The following CSMD3 variants were observed in gnomAD, a reference collection of about 807,000 sequenced individuals.
The protein encoded by CSMD3 is CUB and Sushi multiple domains 3.
A neutral mutation model predicts 435.2 loss-of-function variants in CSMD3; 177 were observed. The observed-to-expected ratio is 0.41, with a 90% CI of 0.36 to 0.46. The LOEUF (loss-of-function observed/expected upper bound fraction) is 0.46. CSMD3 is among the 20% of genes least tolerant of loss of function. The pLI is 0.34. For synonymous variants in CSMD3, 1,656 were observed against 1,520.5 expected (o/e 1.09, Z -2.07); for missense variants, 4,265 against 4,504.6 (o/e 0.95, Z 1.52).
chr8:112,900,072 T>G (rs1355151979), intron 10 of CSMD3, among the ~76,000 whole-genome samples: 1 of 151,162 alleles, frequency 6.6e-6, no homozygotes, highest in Non-Finnish European at 1.5e-5. Flanking sequence ...ATTCTATTAG[T>G]AACACTTTCT....
At chr8:112,476,798 C>T (rs895285452) in intron 31 of CSMD3, among the ~76,000 whole-genome samples, 1 of 152,142 alleles carries the variant, frequency 6.6e-6, no homozygotes, top group Non-Finnish European at 1.5e-5. Flanking sequence ...CAATTTGTTG[C>T]TCATAACCTT....
At position 113,436,906 on chromosome 8, in the gene CSMD3, T is replaced by G; in HGVS notation, c.-52A>C. The G allele has an allele frequency of 1.2e-6, 2 of 1,604,096 alleles. No individual in the cohort carries two copies. Among genetic ancestry groups the G allele is most frequent in the South Asian group, 2.2e-5 (2 of 90,834 alleles). Reference sequence around the variant, plus strand: ...TCCTCAGCCCGGCGCAGTGGAGTTGTTGCTGTTGTTGGTGCGCGGTCACAG... The same window carrying G: ...TCCTCAGCCCGGCGCAGTGGAGTTGGTGCTGTTGTTGGTGCGCGGTCACAG... On this transcript the variant is annotated 5_prime_UTR_variant, in exon 1 of 71. Transcript: ENST00000297405.
intron 5 of CSMD3, among the ~76,000 whole-genome samples, chr8:113,065,912 A>G (rs2088833501): frequency 6.6e-6 from 1 of 152,072 alleles, no homozygotes; most frequent in African/African-American, 2.4e-5. Context: ...TCTACAGTAT[A>G]CAAATACATT....
intron 32 of CSMD3, among the ~76,000 whole-genome samples, chr8:112,437,824 G>A (rs1482259991): frequency 1.3e-5 from 2 of 152,040 alleles, no homozygotes; most frequent in Admixed American, 6.6e-5. Context: ...TTTCAAGCTC[G>A]TATGGCTACA....
intron 59 of CSMD3, among the ~76,000 whole-genome samples, chr8:112,280,571 C>T (rs867552774): frequency 2.0e-5 from 3 of 151,712 alleles, no homozygotes; most frequent in Non-Finnish European, 4.4e-5. Flanking sequence ...CCATAATTTC[C>T]AATGGTTGTG....
intron 2 of CSMD3, among the ~76,000 whole-genome samples, chr8:113,281,320 T>C (rs992477934): frequency 3.3e-5 from 5 of 151,894 alleles, no homozygotes; most frequent in Non-Finnish European, 5.9e-5. Flanking sequence ...TTAAGTCTAT[T>C]GGTATCTGTT....
intron 9 of CSMD3, among the ~76,000 whole-genome samples, chr8:112,922,910 C>T (rs2082791329): frequency 1.3e-5 from 2 of 152,146 alleles, no homozygotes. Flanking sequence ...TAAAAGTTTA[C>T]ATAACGGTCA....
At chr8:113,103,759 C>G (rs998570110) in intron 4 of CSMD3, among the ~76,000 whole-genome samples, 3 of 151,838 alleles carry the variant, frequency 2.0e-5, no homozygotes, top group African/African-American at 7.3e-5. Context: ...ATAAATAATG[C>G]TTTTTTATCT....
intron 1 of CSMD3, among the ~76,000 whole-genome samples, chr8:113,333,064 G>C (rs1258660377): frequency 2.0e-5 from 3 of 151,604 alleles, no homozygotes; most frequent in Non-Finnish European, 4.4e-5. Context: ...CTTATTTTGA[G>C]ATAAGCATAA....
At chr8:112,612,047 A>C (rs1833296313) in intron 22 of CSMD3, among the ~76,000 whole-genome samples, 1 of 152,138 alleles carries the variant, frequency 6.6e-6, no homozygotes, top group Non-Finnish European at 1.5e-5. Context: ...GTTTGGTGGG[A>C]GTACTGTGAA....
intron 5 of CSMD3, among the ~76,000 whole-genome samples, chr8:113,037,649 G>T (rs899069340): frequency 2.0e-5 from 3 of 151,966 alleles, no homozygotes; most frequent in African/African-American, 7.3e-5. Flanking sequence ...TTAGAGATAT[G>T]ACTATAATTA....
chr8:113,405,660 C>T (rs546583918), intron 1 of CSMD3, among the ~76,000 whole-genome samples: 2 of 151,720 alleles, frequency 1.3e-5, no homozygotes, highest in South Asian at 4.1e-4. Context: ...GGTGGCAAAA[C>T]CTGTGTGTAT....
At chr8:113,270,951 T>A (rs1315842597) in intron 3 of CSMD3, among the ~76,000 whole-genome samples, 2 of 150,568 alleles carry the variant, frequency 1.3e-5, no homozygotes, top group African/African-American at 4.9e-5. Context: ...GTTGTGCACA[T>A]GTACCCTAGA....
chr8:113,302,252 T>TAA (rs2093775869), intron 2 of CSMD3, among the ~76,000 whole-genome samples: 1 of 133,600 alleles, frequency 7.5e-6, no homozygotes, highest in East Asian at 2.0e-4. Flanking sequence ...ATAATATATA[T>TAA]TATATAAAAT....
intron 1 of CSMD3, among the ~76,000 whole-genome samples, chr8:113,358,706 G>A (rs1404599866): frequency 6.6e-6 from 1 of 152,256 alleles, no homozygotes; most frequent in East Asian, 1.9e-4. Flanking sequence ...AATGATTAAT[G>A]ATGGCAATTT....
At chr8:113,376,833 C>T in intron 1 of CSMD3, 1 of 1,613,384 alleles carries the variant, frequency 6.2e-7, no homozygotes, top group Middle Eastern at 1.7e-4. Context: ...TTATGAGTCG[C>T]AACAACCGGC....
At chr8:112,741,346 G>A (rs182956048) in intron 13 of CSMD3, among the ~76,000 whole-genome samples, 209 of 152,064 alleles carry the variant, frequency 1.4e-3, no homozygotes, top group Admixed American at 6.7e-3. Context: ...ATGGGTATAT[G>A]AAAAGATACT....
chr8:112,684,665 T>C (rs1367106758), intron 15 of CSMD3, among the ~76,000 whole-genome samples: 2 of 152,134 alleles, frequency 1.3e-5, no homozygotes, highest in Non-Finnish European at 2.9e-5. Flanking sequence ...CTTTTTTCTA[T>C]GATTATAAAC....
chr8:113,059,988 T>G (rs1459368508), intron 5 of CSMD3, among the ~76,000 whole-genome samples: 1 of 89,218 alleles, frequency 1.1e-5, no homozygotes, highest in Admixed American at 1.5e-4. Context: ...TTTATTTTTA[T>G]TTATTTATTT....
Sources: gnomAD v4.1 joint callset for allele counts (sites outside exome capture counted in the v4.1 genomes callset) on GRCh38, gnomAD v4.1.1 for gene constraint, MANE v1.5 for transcripts, NCBI Gene and HGNC (gene_info 2026-07-23, HGNC 2026-07-21) for gene names.